The following PTPRN2 variants were observed in gnomAD, a reference collection of about 807,000 sequenced individuals.
PTPRN2 encodes the protein receptor-type tyrosine-protein phosphatase N2.
In PTPRN2, 74 loss-of-function variants were observed where a neutral mutation model predicts 118.8. That is an observed-to-expected ratio of 0.62 (90% CI 0.52 to 0.76). The LOEUF (loss-of-function observed/expected upper bound fraction) is 0.76, where lower values mean the gene tolerates loss of function less well. Ranked by LOEUF, PTPRN2 falls within the 30% of genes least tolerant of loss-of-function variation. PTPRN2 has a pLI of 0.00. For synonymous variants in PTPRN2, 641 were observed against 608.0 expected (o/e 1.05, Z -0.80); for missense variants, 1,481 against 1,394.4 (o/e 1.06, Z -0.99).
chr7:157,899,270 C>T (rs977141668), intron 11 of PTPRN2, among the ~76,000 whole-genome samples: 8 of 152,184 alleles, frequency 5.3e-5, no homozygotes, highest in African/African-American at 1.9e-4. Flanking sequence ...AAGCCTCACC[C>T]TGGTTTTCTC....
intron 13 of PTPRN2, among the ~76,000 whole-genome samples, chr7:157,678,517 G>C (rs1276942016): frequency 6.6e-6 from 1 of 152,170 alleles, no homozygotes; most frequent in Non-Finnish European, 1.5e-5. Flanking sequence ...AGAAGTCAGG[G>C]TGCATTTGGG....
At chr7:158,418,487 T>C (rs1296098033) in intron 2 of PTPRN2, among the ~76,000 whole-genome samples, 3 of 150,886 alleles carry the variant, frequency 2.0e-5, no homozygotes, top group Non-Finnish European at 2.9e-5. Flanking sequence ...TACATCGACA[T>C]GCTCTAGCTC....
chr7:158,441,694 G>T lies in PTPRN2; in HGVS notation c.163+48041C>A, dbSNP rs1413176895. Among the ~76,000 whole-genome samples, 30 of 147,788 alleles carry T rather than the reference G, an allele frequency of 2.0e-4. 2 individuals are homozygous for T. Among genetic ancestry groups the T allele is most frequent in the African/African-American group, 7.5e-4 (30 of 39,902 alleles). ...GGTGATCAGTGATGGTGGTGGTGATGGCAATGGTGGCAGTGGTGGTGATGG... is the reference window on the plus strand; with the variant it reads ...GGTGATCAGTGATGGTGGTGGTGATTGCAATGGTGGCAGTGGTGGTGATGG... On this transcript the variant is annotated intron_variant, in intron 2 of 22. Coordinates refer to ENST00000389418, the MANE Select transcript of PTPRN2 (RefSeq NM_002847.5).
intron 2 of PTPRN2, among the ~76,000 whole-genome samples, chr7:158,357,425 A>C (rs1483729284): frequency 6.6e-6 from 1 of 152,162 alleles, no homozygotes; most frequent in Non-Finnish European, 1.5e-5. Flanking sequence ...ACAGACACAA[A>C]TGGTGGCTTC....
intron 2 of PTPRN2, among the ~76,000 whole-genome samples, chr7:158,388,364 G>T (rs1421821512): frequency 6.6e-6 from 1 of 152,162 alleles, no homozygotes; most frequent in East Asian, 1.9e-4. Context: ...CAGGCCACCT[G>T]CATTTCTTCC....
rs544115707 is a variant in PTPRN2 at position 158,361,583 on chromosome 7, C to T, written c.164-44651G>A. Among the ~76,000 whole-genome samples, 14 of 152,350 alleles carry T rather than the reference C, an allele frequency of 9.2e-5. No individual in the cohort carries two copies. The South Asian group carries it at 2.7e-3, about 29-fold the overall frequency. Reference sequence around the variant, plus strand: ...ATATTCAGACCTGAGACCCAAACAGCCCTCCAGAGAGAGCTGAGCCACAGA... The same window carrying T: ...ATATTCAGACCTGAGACCCAAACAGTCCTCCAGAGAGAGCTGAGCCACAGA... On this transcript the variant is annotated intron_variant, in intron 2 of 22. Transcript: ENST00000389418.
chr7:157,928,462 G>A (rs1426317418), intron 11 of PTPRN2, among the ~76,000 whole-genome samples: 1 of 152,102 alleles, frequency 6.6e-6, no homozygotes, highest in African/African-American at 2.4e-5. Flanking sequence ...TTGTGATGGT[G>A]GGATGGACCT....
At chr7:157,815,461 C>G (rs892127672) in intron 12 of PTPRN2, among the ~76,000 whole-genome samples, 1 of 152,186 alleles carries the variant, frequency 6.6e-6, no homozygotes, top group African/African-American at 2.4e-5. Context: ...GCACCGCTGC[C>G]GAGGTGGGAA....
intron 1 of PTPRN2, among the ~76,000 whole-genome samples, chr7:158,587,248 C>CCCCCACGCCCCCCTCT (rs1273281821): frequency 8.3e-6 from 1 of 121,154 alleles, no homozygotes. Context: ...GGCGCCCCTC[C>CCCCCACGCCCCCCTCT]CCCCACGCCC....
At chr7:158,088,946 T>C (rs374534489) in intron 10 of PTPRN2, among the ~76,000 whole-genome samples, 9 of 1,324 alleles carry the variant, frequency 6.8e-3, no homozygotes, top group African/African-American at 7.8e-3. Flanking sequence ...AGTCTTCACA[T>C]AAACCTTCTT....
chr7:157,682,239 ACCTT>A (rs1796948520), intron 13 of PTPRN2, among the ~76,000 whole-genome samples: 1 of 152,042 alleles, frequency 6.6e-6, no homozygotes, highest in Non-Finnish European at 1.5e-5. Flanking sequence ...CGTGTGGGTC[ACCTT>A]CCCCTGGTCA....
rs369906258 is a variant in PTPRN2, at chr7:158,175,356, G to A, written c.550-8065C>T. Among the ~76,000 whole-genome samples, 30 of 152,282 alleles carry A rather than the reference G, an allele frequency of 2.0e-4. No individual in the cohort carries two copies. The South Asian group carries it at 3.5e-3, about 18-fold the overall frequency. On this transcript the variant is annotated intron_variant, in intron 5 of 22. Coordinates refer to ENST00000389418, the MANE Select transcript of PTPRN2 (RefSeq NM_002847.5). ...GTGGGAACGCTGCAGCTCCGGCTCC[G>A]GCTCGTGAATGTGGGGTTGGGATGA... is the stretch of plus-strand genomic sequence containing the variant.
intron 2 of PTPRN2, among the ~76,000 whole-genome samples, chr7:158,330,396 G>A (rs1333151473): frequency 1.1e-4 from 6 of 55,514 alleles, no homozygotes; most frequent in African/African-American, 3.1e-4. Context: ...CACCATAAGA[G>A]CTGACACCTG....
chr7:158,248,656 A>G (rs1796415322), intron 3 of PTPRN2, among the ~76,000 whole-genome samples: 1 of 149,262 alleles, frequency 6.7e-6, no homozygotes, highest in Non-Finnish European at 1.5e-5. Context: ...CACACATCAC[A>G]CCCACACAGC....
intron 2 of PTPRN2, among the ~76,000 whole-genome samples, chr7:158,342,774 TCTGA>T (rs1563181026): frequency 6.6e-6 from 1 of 151,884 alleles, no homozygotes; most frequent in African/African-American, 2.4e-5. Context: ...GGCAGGAAAG[TCTGA>T]CTGACACTTA....
intron 22 of PTPRN2, among the ~76,000 whole-genome samples, chr7:157,548,221 GCAACAA>G (rs538184889): frequency 1.3e-5 from 2 of 152,072 alleles, no homozygotes; most frequent in African/African-American, 4.8e-5. Flanking sequence ...GTCTCAGAAA[GCAACAA>G]CAACAACAAA....
intron 2 of PTPRN2, among the ~76,000 whole-genome samples, chr7:158,326,526 T>C (rs2151130441): frequency 6.6e-6 from 1 of 152,362 alleles, no homozygotes; most frequent in African/African-American, 2.4e-5. Context: ...TGCAGACACA[T>C]GCACATATGC....
intron 11 of PTPRN2, among the ~76,000 whole-genome samples, chr7:158,072,860 G>C (rs1812047692): frequency 6.6e-6 from 1 of 152,132 alleles, no homozygotes. Context: ...TTAAATAATT[G>C]AGCCCTTCAG....
intron 2 of PTPRN2, among the ~76,000 whole-genome samples, chr7:158,400,896 C>A (rs1812890387): frequency 6.6e-6 from 1 of 152,080 alleles, no homozygotes; most frequent in Non-Finnish European, 1.5e-5. Flanking sequence ...CCCGTCCCAC[C>A]CCCCGCATTC....
Sources: gnomAD v4.1 joint callset for allele counts (sites outside exome capture counted in the v4.1 genomes callset) on GRCh38, gnomAD v4.1.1 for gene constraint, MANE v1.5 for transcripts, NCBI Gene and HGNC (gene_info 2026-07-23, HGNC 2026-07-21) for gene names.